OSBPL6: variants seen among roughly 807,000 people sequenced by gnomAD.
OSBPL6 encodes oxysterol binding protein like 6, also known as oxysterol-binding protein-related protein 6.
Under a neutral mutation model 125.8 loss-of-function variants are expected in OSBPL6, and 49 were observed. The ratio of observed to expected loss-of-function variants is 0.39; its 90% CI spans 0.31 to 0.49. OSBPL6 has a LOEUF of 0.49. Among genes scored for constraint, OSBPL6 ranks in the 20% least tolerant of loss-of-function variants. The pLI is 0.88. For missense variants in OSBPL6, 986 were observed against 1,135.4 expected (o/e 0.87, Z 1.89); for synonymous variants, 394 against 391.8 (o/e 1.01, Z -0.07).
chr2:178,202,028 A>G (rs1266559535), intron 1 of OSBPL6, among the ~76,000 whole-genome samples: 1 of 152,218 alleles, frequency 6.6e-6, no homozygotes, highest in Non-Finnish European at 1.5e-5. Context: ...CACTACAGTG[A>G]GTGCTTATAG....
rs1251106094 is a variant in OSBPL6 at position 178,225,106 on chromosome 2, G to A, written c.-351+30432G>A. 1.3e-5 allele frequency among the ~76,000 whole-genome samples: 2 copies of A among 152,044 alleles called. 1 individual carries two copies. The highest frequency in any genetic ancestry group is 4.8e-5 in the African/African-American group (2 of 41,382). On this transcript the variant is annotated intron_variant, in intron 1 of 24. Transcript: ENST00000190611. ...AGGACGGCTATTATGACAGGTGGCA[G>A]TGTTTTAGTTGCTCTAATAAGCTGA... is the stretch of plus-strand genomic sequence containing the variant.
At chr2:178,378,288 C>T (rs1327631746) in intron 15 of OSBPL6, among the ~76,000 whole-genome samples, 1 of 152,160 alleles carries the variant, frequency 6.6e-6, no homozygotes, top group Non-Finnish European at 1.5e-5. Context: ...GTCTCCTGCA[C>T]TAAAACAGTT....
chr2:178,388,157 T>G (rs1262883276), intron 20 of OSBPL6, among the ~76,000 whole-genome samples: 1 of 152,262 alleles, frequency 6.6e-6, no homozygotes, highest in Non-Finnish European at 1.5e-5. Context: ...CGTACAAACT[T>G]AAATGTGATT....
chr2:178,372,188 T>C lies in OSBPL6; in HGVS notation c.1350T>C (p.Ile450=), dbSNP rs373800372. 1.2e-5 allele frequency: 19 copies of C among 1,613,194 alleles called. No individual in the cohort carries two copies. In the East Asian group the frequency reaches 2.0e-4, roughly 17 times the overall value. The change falls in exon 14 of 25, where the codon ATT becomes ATC. Residue 450 remains isoleucine, a synonymous_variant. Coordinates refer to ENST00000190611, the MANE Select transcript of OSBPL6 (RefSeq NM_032523.4). ...RLNRIHSESI[I]CDQVVSVNII... The stretch of plus-strand genomic sequence containing the variant: ...ACAGAATACATTCAGAGTCTATTAT[T>C]TGTGATCAGGTTGTCAGTGTAAATA...
intron 23 of OSBPL6, among the ~76,000 whole-genome samples, chr2:178,393,742 T>C (rs563558464): frequency 6.6e-6 from 1 of 152,372 alleles, no homozygotes; most frequent in East Asian, 1.9e-4. Flanking sequence ...GTTCCTTTTC[T>C]GAATTTCATT....
chr2:178,366,653 A>G (rs1047989150), intron 13 of OSBPL6, among the ~76,000 whole-genome samples: 3 of 152,250 alleles, frequency 2.0e-5, no homozygotes, highest in African/African-American at 4.8e-5. Flanking sequence ...AACATACTAT[A>G]TAGTAGCATA....
intron 2 of OSBPL6, among the ~76,000 whole-genome samples, chr2:178,286,366 CT>C (rs2154035488): frequency 6.6e-6 from 1 of 152,358 alleles, no homozygotes; most frequent in East Asian, 1.9e-4. Flanking sequence ...AAGAGTCCTG[CT>C]TTAAGCATCA....
Position 178,332,968 on chromosome 2 carries a change from G to C in OSBPL6, c.584G>C (p.Ser195Thr), listed in dbSNP as rs759831462. Residue 195 changes from serine to threonine, a missense_variant, in exon 8 of 25, where the codon AGT (serine) becomes ACT (threonine). Physicochemically the swap from Ser to Thr is moderately conservative, Grantham distance 58. Transcript: ENST00000190611. The part of the protein sequence containing the change: ...NEIVRSPRDA[S>T]FHIFPSTSTA... ...ATTGTGAGATCACCAAGAGATGCTA[G>C]TTTTCACATATTTCCTTCAACGTCC... 9 of 1,614,140 alleles carry C rather than the reference G, an allele frequency of 5.6e-6. No individual in the cohort carries two copies. Among genetic ancestry groups the C allele is most frequent in the Non-Finnish European group, 7.6e-6 (9 of 1,180,016 alleles).
At chr2:178,348,978 CT>C (rs1284699500) in intron 11 of OSBPL6, among the ~76,000 whole-genome samples, 1 of 152,166 alleles carries the variant, frequency 6.6e-6, no homozygotes, top group African/African-American at 2.4e-5. Flanking sequence ...TCCTGTCATT[CT>C]ATAGTTATTT....
At chr2:178,221,329 G>A (rs112344482) in intron 1 of OSBPL6, among the ~76,000 whole-genome samples, 38 of 152,216 alleles carry the variant, frequency 2.5e-4, no homozygotes, top group African/African-American at 8.7e-4. Context: ...TTTAGTGTAG[G>A]GTAGAAACAT....
At chr2:178,256,831 A>G (rs769539494) in intron 1 of OSBPL6, among the ~76,000 whole-genome samples, 1 of 152,230 alleles carries the variant, frequency 6.6e-6, no homozygotes, top group African/African-American at 2.4e-5. Context: ...TGAGCCAGCT[A>G]CAGCACACCA....
intron 1 of OSBPL6, among the ~76,000 whole-genome samples, chr2:178,217,157 C>T (rs924916367): frequency 6.6e-6 from 1 of 152,154 alleles, no homozygotes; most frequent in Non-Finnish European, 1.5e-5. Flanking sequence ...ATCCACAATT[C>T]ACTCTCAAAT....
chr2:178,309,155 G>A (rs79530669), intron 3 of OSBPL6, among the ~76,000 whole-genome samples: 3,068 of 151,978 alleles, frequency 0.02, 102 homozygotes, highest in African/African-American at 0.07. Context: ...CTCAAAGACC[G>A]GCTCATATGA....
At chr2:178,249,177 C>T (rs2091596940) in intron 1 of OSBPL6, among the ~76,000 whole-genome samples, 2 of 152,112 alleles carry the variant, frequency 1.3e-5, no homozygotes, top group South Asian at 2.1e-4. Flanking sequence ...TGGCCTCAAG[C>T]AATCCACCCA....
chr2:178,327,803 TAGC>T (rs984619368), intron 4 of OSBPL6, among the ~76,000 whole-genome samples: 3 of 152,048 alleles, frequency 2.0e-5, no homozygotes, highest in Admixed American at 2.0e-4. Flanking sequence ...TCCCTGTTAA[TAGC>T]AGGTTCTGAG....
intron 1 of OSBPL6, among the ~76,000 whole-genome samples, chr2:178,209,439 C>CTTTTT (rs71850875): frequency 6.3e-5 from 6 of 95,754 alleles, no homozygotes; most frequent in East Asian, 3.0e-4. Context: ...TTCTTTCTTT[C>CTTTTT]TTTTTTTTTT....
intron 3 of OSBPL6, among the ~76,000 whole-genome samples, chr2:178,309,402 T>A (rs888770627): frequency 6.6e-6 from 1 of 152,194 alleles, no homozygotes; most frequent in Non-Finnish European, 1.5e-5. Flanking sequence ...GCAACAACAT[T>A]AGTTTTGTAT....
chr2:178,203,570 C>G (rs996250500), intron 1 of OSBPL6, among the ~76,000 whole-genome samples: 6 of 152,158 alleles, frequency 3.9e-5, no homozygotes, highest in Non-Finnish European at 5.9e-5. Flanking sequence ...GGGTCAGGAT[C>G]TCCTTACCAT....
At chr2:178,327,694 C>T (rs1019867492) in intron 4 of OSBPL6, among the ~76,000 whole-genome samples, 4 of 152,186 alleles carry the variant, frequency 2.6e-5, no homozygotes, top group African/African-American at 9.6e-5. Flanking sequence ...TTTGAAAGCA[C>T]GAAGTTCTTT....
Sources: allele counts gnomAD v4.1 joint callset (sites outside exome capture counted in the v4.1 genomes callset), GRCh38; gene constraint gnomAD v4.1.1; transcripts MANE v1.5; gene names NCBI Gene and HGNC (gene_info 2026-07-23, HGNC 2026-07-21).